Variants in ABCC4 observed in about 807,000 individuals in gnomAD.
ABCC4 encodes the protein ATP binding cassette subfamily C member 4 (PEL blood group), also known as ATP-binding cassette sub-family C member 4.
In ABCC4, 102 loss-of-function variants were observed where a neutral mutation model predicts 168.5. The ratio of observed to expected loss-of-function variants is 0.61; its 90% CI spans 0.52 to 0.71. The LOEUF (loss-of-function observed/expected upper bound fraction) is 0.71, where lower values mean the gene tolerates loss of function less well. ABCC4 is among the 30% of genes least tolerant of loss of function. The pLI, the probability that ABCC4 is intolerant of heterozygous loss-of-function variation, is 0.00. For missense variants in ABCC4, 1,402 were observed against 1,605.8 expected (o/e 0.87, Z 2.17); for synonymous variants, 617 against 590.7 (o/e 1.04, Z -0.65).
chr13:95,029,912 T>A (rs758560824), intron 30 of ABCC4, among the ~76,000 whole-genome samples: 5 of 152,172 alleles, frequency 3.3e-5, no homozygotes, highest in Admixed American at 6.5e-5. Context: ...GGCCATTGGC[T>A]GCTAAGTGTC....
rs1012533499 is a variant in ABCC4, at chr13:95,124,364, G to T, written c.2456-8363C>A. ...AACTGGACAAGATTTTTTCCTGAGG[G>T]TCATCTTGGTTCATTCACTCATGAT... On this transcript the variant is annotated intron_variant, in intron 19 of 30. Transcript: ENST00000645237. 3.9e-5 allele frequency among the ~76,000 whole-genome samples: 6 copies of T among 151,908 alleles called. 1 individual carries two copies. The highest frequency in any genetic ancestry group is 1.5e-5 in the Non-Finnish European group (1 of 67,990).
chr13:95,188,527 T>C lies in ABCC4; in HGVS notation c.1279A>G (p.Thr427Ala). 2.5e-6 allele frequency: 4 copies of C among 1,611,262 alleles called. No homozygotes were observed. Among genetic ancestry groups the C allele is most frequent in the Non-Finnish European group, 3.4e-6 (4 of 1,177,988 alleles). The change falls in exon 10 of 31, where the codon ACT becomes GCT. Residue 427 changes from threonine (T) to alanine (A), a missense_variant. This residue lies in a region of ABCC4 where 1,007 missense variants were observed against 1,127.3 expected (regional missense o/e 0.89). Coordinates refer to ENST00000645237, the MANE Select transcript of ABCC4 (RefSeq NM_005845.5). ...ACAGTAAAGGAAAGGCCTTGTAGAG[T>C]TGGGGTCTCTGATGCCTACAAATTA... ...AFWDKASETP[T>A]LQGLSFTVRP...
intron 20 of ABCC4, among the ~76,000 whole-genome samples, chr13:95,094,199 C>T (rs2034520154): frequency 6.6e-6 from 1 of 151,694 alleles, no homozygotes; most frequent in African/African-American, 2.4e-5. Context: ...CACATGGAAC[C>T]AAAAAAGAGC....
At chr13:95,045,172 T>C (rs778593299) in intron 27 of ABCC4, among the ~76,000 whole-genome samples, 9 of 152,116 alleles carry the variant, frequency 5.9e-5, no homozygotes, top group Admixed American at 1.3e-4. Context: ...GCTCCCAATA[T>C]AGAGTCTGAA....
At chr13:95,140,716 G>A (rs1036446159) in intron 19 of ABCC4, among the ~76,000 whole-genome samples, 1 of 152,184 alleles carries the variant, frequency 6.6e-6, no homozygotes, top group African/African-American at 2.4e-5. Flanking sequence ...CACGTTTGCA[G>A]TTATATTCTT....
intron 1 of ABCC4, among the ~76,000 whole-genome samples, chr13:95,294,950 A>G (rs530898608): frequency 6.6e-6 from 1 of 152,140 alleles, no homozygotes; most frequent in Non-Finnish European, 1.5e-5. Context: ...GTGAAACTCC[A>G]TCTCAAAAAT....
At chr13:95,108,423 C>T (rs1023802102) in intron 20 of ABCC4, among the ~76,000 whole-genome samples, 4 of 152,046 alleles carry the variant, frequency 2.6e-5, no homozygotes, top group Non-Finnish European at 5.9e-5. Flanking sequence ...GGGAGGGACC[C>T]AGGGGGAGGT....
chr13:95,038,234 G>A (rs2032205167), intron 29 of ABCC4, among the ~76,000 whole-genome samples: 1 of 152,054 alleles, frequency 6.6e-6, no homozygotes, highest in Non-Finnish European at 1.5e-5. Context: ...GGAGGAAAAT[G>A]GAAGTGAACC....
chr13:95,207,316 C>T (rs2038811289), intron 7 of ABCC4, among the ~76,000 whole-genome samples: 1 of 152,214 alleles, frequency 6.6e-6, no homozygotes, highest in Non-Finnish European at 1.5e-5. Context: ...GCATGAGCCA[C>T]TGCGCCCAGC....
At chr13:95,208,744 C>T (rs2038862260) in intron 6 of ABCC4, among the ~76,000 whole-genome samples, 1 of 150,638 alleles carries the variant, frequency 6.6e-6, no homozygotes. Flanking sequence ...CCTGAGCCTC[C>T]CAAGTAGCTG....
chr13:95,057,721 G>C (rs2139275453), intron 26 of ABCC4, among the ~76,000 whole-genome samples: 1 of 152,360 alleles, frequency 6.6e-6, no homozygotes, highest in Non-Finnish European at 1.5e-5. Flanking sequence ...GCCAGGAAGA[G>C]AGAGAACACA....
chr13:95,177,574 G>C, intron 13 of ABCC4, 133 bp downstream of exon 13: 1 of 631,180 alleles, frequency 1.6e-6, no homozygotes, highest in Non-Finnish European at 2.7e-6. Flanking sequence ...TGGATCTTCA[G>C]GGAAGCAGGG....
intron 20 of ABCC4, among the ~76,000 whole-genome samples, chr13:95,092,477 A>G (rs757419007): frequency 5.2e-4 from 79 of 152,210 alleles, no homozygotes; most frequent in Non-Finnish European, 9.1e-4. Context: ...CTGAATGAGC[A>G]TTGGGTCAAA....
At position 95,083,175 on chromosome 13, in the gene ABCC4, T is replaced by G. The variant is rs1312935464; in HGVS notation, c.2651A>C (p.Glu884Ala). Residue 884 changes from glutamate to alanine, a missense_variant, in exon 21 of 31, where the codon GAA becomes GCA. Physicochemically the swap from Glu to Ala is moderately radical, Grantham distance 107 (BLOSUM62 -1). Coordinates refer to ENST00000645237, the MANE Select transcript of ABCC4 (RefSeq NM_005845.5). Reference sequence around the variant, plus strand: ...CAGGCGCTTCACATCTCTTGACGTTTCCAAAAAATATCGCCGAAGAAAAAT... The same window carrying G: ...CAGGCGCTTCACATCTCTTGACGTTGCCAAAAAATATCGCCGAAGAAAAAT... Reference protein sequence around the residue: ...IFIFLRRYFLETSRDVKRLES... With the variant: ...IFIFLRRYFLATSRDVKRLES... 1 of 1,613,962 alleles carries G rather than the reference T, an allele frequency of 6.2e-7. No homozygotes were observed. The highest frequency in any genetic ancestry group is 8.5e-7 in the Non-Finnish European group (1 of 1,179,952).
chr13:95,151,368 G>A (rs1459333994), intron 19 of ABCC4, among the ~76,000 whole-genome samples: 2 of 151,844 alleles, frequency 1.3e-5, no homozygotes, highest in Non-Finnish European at 2.9e-5. Context: ...CCAGCTACTC[G>A]GTAGGCTGAG....
intron 1 of ABCC4, among the ~76,000 whole-genome samples, chr13:95,293,262 G>A (rs2041447057): frequency 1.3e-5 from 2 of 151,882 alleles, no homozygotes. Context: ...GGAGGCTGCG[G>A]CAGGAGAATC....
intron 1 of ABCC4, among the ~76,000 whole-genome samples, chr13:95,261,621 AGAAAAAAACAC>A (rs1460173085): frequency 2.0e-5 from 3 of 152,188 alleles, no homozygotes; most frequent in Non-Finnish European, 4.4e-5. Flanking sequence ...CTATTGAAGA[AGAAAAAAACAC>A]AAAAAAAAGT....
In ABCC4 at chr13:95,246,888, C is replaced by T. The variant is rs532398911; in HGVS notation, c.306+87G>A. ...CATCTGGCCACTTCTCCCTTCTGTT[C>T]CCCCATCCATTACAGCACCAGTCAA... On this transcript the variant is annotated intron_variant, in intron 3 of 30. Transcript: ENST00000645237. 9.2e-5 allele frequency: 134 copies of T among 1,458,792 alleles called. 2 individuals carry two copies. The Middle Eastern group carries it at 1.5e-3, about 16-fold the overall frequency. The allele number at this position is 1,458,792 out of a possible 1,614,324, so 90.4% of individuals were successfully genotyped here. A position where few individuals can be genotyped will look rare whatever the true frequency, so the allele number is the denominator to read the frequency against.
chr13:95,282,335 A>G (rs963296353), intron 1 of ABCC4, among the ~76,000 whole-genome samples: 1 of 152,046 alleles, frequency 6.6e-6, no homozygotes, highest in Admixed American at 6.6e-5. Flanking sequence ...AAGACAGGAA[A>G]GTCCCACTGA....
Sources: allele counts gnomAD v4.1 joint callset (sites outside exome capture counted in the v4.1 genomes callset), GRCh38; gene constraint gnomAD v4.1.1; regional missense constraint gnomAD v4.1.1; transcripts MANE v1.5; gene names NCBI Gene and HGNC (gene_info 2026-07-23, HGNC 2026-07-21).